The following PIK3R4 variants were observed in gnomAD, a reference collection of about 807,000 sequenced individuals.
The protein encoded by PIK3R4 is phosphoinositide 3-kinase regulatory subunit 4.
In PIK3R4, 46 loss-of-function variants were observed where a neutral mutation model predicts 136.5. The observed-to-expected ratio is 0.34, with a 90% confidence interval of 0.27 to 0.43. The LOEUF (loss-of-function observed/expected upper bound fraction) is 0.43. Ranked by LOEUF, PIK3R4 falls within the 20% of genes least tolerant of loss-of-function variation. PIK3R4 has a pLI of 1.00. For synonymous variants in PIK3R4, 557 were observed against 566.7 expected, an observed-to-expected ratio of 0.98 and a Z score of 0.24; for missense variants, 1,331 against 1,649.5, an observed-to-expected ratio of 0.81 and a Z score of 3.35.
At chr3:130,697,236 A>C (rs1349149971) in intron 13 of PIK3R4, among the ~76,000 whole-genome samples, 6 of 151,164 alleles carry the variant, frequency 4.0e-5, no homozygotes, top group Admixed American at 6.6e-5. Context: ...CGCCTGGCAA[A>C]ATTTTTTTGT....
At position 130,728,686 on chromosome 3, in the gene PIK3R4, TAAAAAAAAAAA is replaced by T; in HGVS notation, c.1586-13_1586-3del. The T allele has an allele frequency of 9.7e-7, 1 of 1,027,390 alleles. No homozygotes were observed. The highest frequency in any genetic ancestry group is 3.0e-5 in the East Asian group (1 of 33,652). 63.6% of individuals were successfully genotyped at this position (1,027,390 alleles called of 1,614,324 possible). A position where few individuals can be genotyped will look rare whatever the true frequency, so the allele number is the denominator to read the frequency against. ...CCATTTCATGTAAGGCTTGGAGCTC[TAAAAAAAAAAA>T]AAAAAGAAAGAAAGAAAGAAAGAAA... On this transcript the variant is annotated splice_polypyrimidine_tract_variant and splice_region_variant and intron_variant, in intron 5 of 19. Coordinates refer to ENST00000356763, the MANE Select transcript of PIK3R4 (RefSeq NM_014602.3).
intron 13 of PIK3R4, among the ~76,000 whole-genome samples, chr3:130,696,510 G>A (rs1469060964): frequency 1.3e-5 from 2 of 151,974 alleles, no homozygotes; most frequent in Non-Finnish European, 2.9e-5. Flanking sequence ...GAAACGCTGG[G>A]TATTTAGCCA....
intron 16 of PIK3R4, among the ~76,000 whole-genome samples, chr3:130,682,138 C>A (rs537211412): frequency 5.8e-4 from 88 of 152,196 alleles, no homozygotes; most frequent in African/African-American, 2.1e-3. Context: ...TGAATGGTAC[C>A]TTATGTGGCA....
chr3:130,684,198 T>C (rs2066474970), intron 16 of PIK3R4, 52 bp downstream of exon 16: 6 of 1,549,430 alleles, frequency 3.9e-6, no homozygotes, highest in Admixed American at 3.4e-5. Context: ...CAGGTTATTA[T>C]GTACTTTCCA....
chr3:130,722,426 T>G (rs866909559), intron 7 of PIK3R4, among the ~76,000 whole-genome samples: 1 of 152,108 alleles, frequency 6.6e-6, no homozygotes. Context: ...AAACTTTGAG[T>G]GCAGGGGTAA....
At chr3:130,737,491 C>T (rs1025528657) in intron 2 of PIK3R4, among the ~76,000 whole-genome samples, 3 of 152,146 alleles carry the variant, frequency 2.0e-5, no homozygotes, top group Non-Finnish European at 2.9e-5. Flanking sequence ...GAAACCCTAT[C>T]TCTACTGAAA....
intron 13 of PIK3R4, among the ~76,000 whole-genome samples, chr3:130,699,728 G>A (rs1434273348): frequency 2.0e-5 from 3 of 152,122 alleles, no homozygotes; most frequent in Non-Finnish European, 4.4e-5. Context: ...AACCCCATAT[G>A]CTTTTCTTAA....
At chr3:130,727,447 T>A (rs531961322) in intron 6 of PIK3R4, among the ~76,000 whole-genome samples, 1 of 152,232 alleles carries the variant, frequency 6.6e-6, no homozygotes, top group African/African-American at 2.4e-5. Flanking sequence ...ATGGTCTCGA[T>A]CTCCTAACCT....
Position 130,679,199 on chromosome 3 carries a change from T to TAATA in PIK3R4, c.*112_*115dup, listed in dbSNP as rs2066437992. ...ATTTAGTCAGTCAGTCATGAAACAG[T>TAATA]AATATGGAGACATAATTTTGAAAAT... On this transcript the variant is annotated 3_prime_UTR_variant, in exon 20 of 20. Coordinates refer to ENST00000356763, the MANE Select transcript of PIK3R4 (RefSeq NM_014602.3). The TAATA allele has an allele frequency of 1.7e-6, 1 of 593,560 alleles. No homozygotes were observed. Among genetic ancestry groups the TAATA allele is most frequent in the East Asian group, 3.1e-5 (1 of 32,118 alleles). 36.8% of individuals were successfully genotyped at this position (593,560 alleles called of 1,614,324 possible).
intron 2 of PIK3R4, among the ~76,000 whole-genome samples, chr3:130,737,586 G>C (rs1448134655): frequency 6.6e-6 from 1 of 152,112 alleles, no homozygotes; most frequent in African/African-American, 2.4e-5. Flanking sequence ...CTTGAACCTG[G>C]GAGGCAGAGT....
intron 14 of PIK3R4, among the ~76,000 whole-genome samples, chr3:130,688,309 A>G (rs1286823009): frequency 1.3e-5 from 2 of 152,222 alleles, no homozygotes; most frequent in East Asian, 3.8e-4. Context: ...AACCCTGTGA[A>G]AAACAACCAA....
chr3:130,702,140 A>G (rs933530142), intron 13 of PIK3R4, among the ~76,000 whole-genome samples: 2 of 152,112 alleles, frequency 1.3e-5, no homozygotes, highest in African/African-American at 4.8e-5. Flanking sequence ...CCCTGTCTCT[A>G]AGAAATAAAA....
At position 130,734,137 on chromosome 3, in the gene PIK3R4, C is replaced by A. The variant is rs1003054858; in HGVS notation, c.868-7G>T. On this transcript the variant is annotated splice_polypyrimidine_tract_variant and splice_region_variant and intron_variant, in intron 3 of 19. Coordinates refer to ENST00000356763, the MANE Select transcript of PIK3R4 (RefSeq NM_014602.3). Reference sequence around the variant, plus strand: ...GGTGAATCATCTGAGTTACCTATACCAAGGGAAGAAAAGGAATTAAAATAG... The same window carrying A: ...GGTGAATCATCTGAGTTACCTATACAAAGGGAAGAAAAGGAATTAAAATAG... 1.3e-6 allele frequency: 2 copies of A among 1,580,972 alleles called. No homozygotes were observed. Among genetic ancestry groups the A allele is most frequent in the Non-Finnish European group, 1.7e-6 (2 of 1,163,668 alleles).
At position 130,728,686 on chromosome 3, in the gene PIK3R4, T is replaced by TAAAAAAAAAAAA. The variant is rs5852606; in HGVS notation, c.1586-14_1586-3dup. 1.3e-5 allele frequency: 13 copies of TAAAAAAAAAAAA among 1,028,082 alleles called. No homozygotes were observed. Among genetic ancestry groups the TAAAAAAAAAAAA allele is most frequent in the East Asian group, 3.0e-5 (1 of 33,690 alleles). The allele number at this position is 1,028,082 out of a possible 1,614,324, so 63.7% of individuals were successfully genotyped here. On this transcript the variant is annotated splice_polypyrimidine_tract_variant and splice_region_variant and intron_variant, in intron 5 of 19. Transcript: ENST00000356763. ...CCATTTCATGTAAGGCTTGGAGCTC[T>TAAAAAAAAAAAA]AAAAAAAAAAAAAAAAGAAAGAAAG...
intron 13 of PIK3R4, among the ~76,000 whole-genome samples, chr3:130,703,079 A>G (rs58055409): frequency 6.6e-6 from 1 of 152,152 alleles, no homozygotes; most frequent in African/African-American, 2.4e-5. Context: ...TATTCTCAAC[A>G]TAACAGCCAG....
At position 130,716,509 on chromosome 3, in the gene PIK3R4, T is replaced by C. The variant is rs753172888; in HGVS notation, c.2218A>G (p.Ser740Gly). The stretch of plus-strand genomic sequence containing the variant: ...CGCATGTGAAGATGTCTGAACAAGC[T>C]AGTAATATCTTTAGACCTCAAAGCA... ...DYALRSKDIT[S>G]LFRHLHMRQK... The change falls in exon 9 of 20, where the codon AGC (serine) becomes GGC (glycine). Residue 740 changes from serine to glycine, a missense_variant. This residue lies in a region of PIK3R4 where 1,180 missense variants were observed against 1,407.0 expected (regional missense o/e 0.84). Transcript: ENST00000356763. 1 of 1,613,868 alleles carries C rather than the reference T, an allele frequency of 6.2e-7. No individual in the cohort carries two copies. Among genetic ancestry groups the C allele is most frequent in the Non-Finnish European group, 8.5e-7 (1 of 1,179,716 alleles).
intron 14 of PIK3R4, among the ~76,000 whole-genome samples, chr3:130,687,722 T>C (rs1559819940): frequency 1.3e-5 from 2 of 152,218 alleles, no homozygotes; most frequent in African/African-American, 4.8e-5. Flanking sequence ...AATTATTTAT[T>C]TTGTTGCCCA....
chr3:130,679,013 C>T lies in PIK3R4; in HGVS notation c.*302G>A, dbSNP rs2066436085. The T allele has an allele frequency of 5.9e-6, 1 of 168,904 alleles. No individual in the cohort carries two copies. The highest frequency in any genetic ancestry group is 2.4e-5 in the African/African-American group (1 of 42,022). The allele number at this position is 168,904 out of a possible 1,614,324, so 10.5% of individuals were successfully genotyped here. On this transcript the variant is annotated 3_prime_UTR_variant, in exon 20 of 20. Coordinates refer to ENST00000356763, the MANE Select transcript of PIK3R4 (RefSeq NM_014602.3). Reference sequence around the variant, plus strand: ...TAATAGCTTACAACCATCTTTTCAACCATCTTTTTCAATACAAAATAAACA... The same window carrying T: ...TAATAGCTTACAACCATCTTTTCAATCATCTTTTTCAATACAAAATAAACA...
At chr3:130,706,405 T>G in intron 11 of PIK3R4, among the ~76,000 whole-genome samples, 1 of 152,134 alleles carries the variant, frequency 6.6e-6, no homozygotes. Flanking sequence ...AAATCTGTAG[T>G]GAACATGAAA....
Sources: gnomAD v4.1 joint callset for allele counts (sites outside exome capture counted in the v4.1 genomes callset) on GRCh38, gnomAD v4.1.1 for gene constraint, gnomAD v4.1.1 regional missense constraint, MANE v1.5 for transcripts, NCBI Gene and HGNC (gene_info 2026-07-23, HGNC 2026-07-21) for gene names.